TDRD12: variants seen among roughly 807,000 people sequenced by gnomAD.
The protein encoded by TDRD12 is tudor domain containing 12.
In TDRD12, 158 loss-of-function variants were observed where a neutral mutation model predicts 133.5. That is an observed-to-expected ratio of 1.18 (90% confidence interval 1.04 to 1.35). The LOEUF (loss-of-function observed/expected upper bound fraction) is 1.35. TDRD12 is among the 40% of genes most tolerant of loss of function. TDRD12 has a pLI of 0.00. For synonymous variants in TDRD12, 460 were observed against 477.9 expected, an observed-to-expected ratio of 0.96 and a Z score of 0.49; for missense variants, 1,443 against 1,321.3, an observed-to-expected ratio of 1.09 and a Z score of -1.43.
At chr19:32,824,801 C>T (rs1967531445), downstream of TDRD12, among the ~76,000 whole-genome samples, 1 of 151,650 alleles carries the variant, frequency 6.6e-6, no homozygotes, top group South Asian at 2.1e-4. Context: ...GTTTAGGAAG[C>T]CCCTTTGGAA....
chr19:32,733,150 C>T (rs984846862), intron 2 of TDRD12, among the ~76,000 whole-genome samples: 3 of 151,858 alleles, frequency 2.0e-5, no homozygotes, highest in East Asian at 1.9e-4. Flanking sequence ...CTAGCCTGGG[C>T]GAGACAGCGA....
chr19:32,820,668 CAG>C (rs1249811633), intron 27 of TDRD12, among the ~76,000 whole-genome samples: 2 of 152,244 alleles, frequency 1.3e-5, no homozygotes, highest in South Asian at 2.1e-4. Context: ...AAACTGGTAA[CAG>C]GGGTGGTCTT....
chr19:32,827,249 T>C, exon 10 of TDRD12: 1 of 1,231,616 alleles, frequency 8.1e-7, no homozygotes. Flanking sequence ...ACAGTGAGAG[T>C]GAAAGAGAAG....
intron 16 of TDRD12, 136 bp from the exon 17 acceptor site, chr19:32,800,031 G>A (rs1177568871): frequency 6.5e-6 from 4 of 618,944 alleles, no homozygotes; most frequent in South Asian, 2.2e-5. Context: ...ACCACACCTG[G>A]CCTTTTCCTT....
At chr19:32,750,861 A>G (rs989269361) in intron 6 of TDRD12, among the ~76,000 whole-genome samples, 1 of 152,258 alleles carries the variant, frequency 6.6e-6, no homozygotes, top group East Asian at 1.9e-4. Flanking sequence ...CAAGAAGCCC[A>G]CAGAAGTGAT....
At chr19:32,753,613 C>T (rs2145534684) in intron 6 of TDRD12, among the ~76,000 whole-genome samples, 1 of 152,088 alleles carries the variant, frequency 6.6e-6, no homozygotes, top group South Asian at 2.1e-4. Context: ...ACACCATTCT[C>T]CTGCCTCAGC....
At chr19:32,777,283 T>G in intron 11 of TDRD12, 54 bp downstream of exon 11, 3 of 1,105,614 alleles carry the variant, frequency 2.7e-6, no homozygotes, top group Non-Finnish European at 3.8e-6. Context: ...ATAATAAAAT[T>G]ATAAACAAGA....
At position 32,773,497 on chromosome 19, in the gene TDRD12, A is replaced by G; in HGVS notation, c.1005A>G (p.Ile335Met). ...TGTACTGGCCAGCAAAAAGAGGCAT[A>G]ACCATATATGCTGATCCAGATGTAC... The change falls in exon 10 of 28, where the codon ATA becomes ATG. Residue 335 changes from isoleucine (I) to methionine (M), a missense_variant. Ile to Met is a conservative substitution (Grantham distance 10). Coordinates refer to ENST00000444215, the Ensembl canonical transcript of TDRD12. 6.4e-7 allele frequency: 1 copy of G among 1,551,862 alleles called. No individual in the cohort carries two copies. The highest frequency in any genetic ancestry group is 8.7e-7 in the Non-Finnish European group (1 of 1,147,004).
exon 24 of TDRD12, chr19:32,811,294 G>A (rs989022735): frequency 2.9e-5 from 44 of 1,535,938 alleles, no homozygotes; most frequent in East Asian, 9.8e-5. Flanking sequence ...AAGGCAGGAC[G>A]GGGCTCGTCA....
intron 17 of TDRD12, 103 bp downstream of exon 17, chr19:32,800,461 T>C: frequency 9.7e-7 from 1 of 1,030,106 alleles, no homozygotes; most frequent in Non-Finnish European, 1.4e-6. Flanking sequence ...TGGCTTAGTA[T>C]TAAACAATTA....
At chr19:32,730,676 G>C (rs965480812) in intron 1 of TDRD12, among the ~76,000 whole-genome samples, 1 of 150,814 alleles carries the variant, frequency 6.6e-6, no homozygotes, top group African/African-American at 2.4e-5. Flanking sequence ...CCCAAATCTT[G>C]AGATGTCATT....
intron 8 of TDRD12, among the ~76,000 whole-genome samples, chr19:32,762,746 C>T (rs1327889680): frequency 2.6e-5 from 4 of 152,090 alleles, no homozygotes; most frequent in Non-Finnish European, 5.9e-5. Context: ...TTCACAGGAC[C>T]ATTGGGTTTA....
chr19:32,736,418 C>A (rs944253486), intron 2 of TDRD12, among the ~76,000 whole-genome samples: 27 of 152,112 alleles, frequency 1.8e-4, no homozygotes, highest in African/African-American at 5.8e-4. Context: ...AATTAGTGCT[C>A]ATTGACAGTG....
At chr19:32,740,495 TGTTCTCTGCATCTCCTGC>T (rs1969389544) in intron 3 of TDRD12, among the ~76,000 whole-genome samples, 1 of 150,972 alleles carries the variant, frequency 6.6e-6, no homozygotes, top group Non-Finnish European at 1.5e-5. Flanking sequence ...GCATCTCCTG[TGTTCTCTGCATCTCCTGC>T]GTTCTCTGCA....
chr19:32,795,091 T>A (rs1462836935), intron 14 of TDRD12, among the ~76,000 whole-genome samples: 1 of 151,950 alleles, frequency 6.6e-6, no homozygotes, highest in East Asian at 1.9e-4. Flanking sequence ...TCCCAGCACT[T>A]TGGGAGGCCG....
At chr19:32,722,984 C>A (rs1439512471) in intron 1 of TDRD12, among the ~76,000 whole-genome samples, 1 of 152,016 alleles carries the variant, frequency 6.6e-6, no homozygotes, top group Non-Finnish European at 1.5e-5. Context: ...CTGGCCCCCC[C>A]ATGTAACCTT....
intron 13 of TDRD12, among the ~76,000 whole-genome samples, chr19:32,791,936 C>A (rs879595172): frequency 1.7e-4 from 20 of 120,370 alleles, no homozygotes; most frequent in African/African-American, 7.0e-4. Context: ...TTGAAGAAAG[C>A]CTTCACCTTA....
downstream of TDRD12, chr19:32,824,243 G>C (rs574597728): frequency 6.6e-6 from 1 of 152,638 alleles, no homozygotes; most frequent in East Asian, 1.9e-4. Flanking sequence ...CATCCATTGT[G>C]CTGCCACACG....
At chr19:32,779,668 G>A (rs941064903) in intron 11 of TDRD12, among the ~76,000 whole-genome samples, 11 of 152,168 alleles carry the variant, frequency 7.2e-5, no homozygotes, top group East Asian at 3.9e-4. Context: ...GGCTGAGATC[G>A]TGTTTCTAAG....
Sources: allele counts gnomAD v4.1 joint callset (sites outside exome capture counted in the v4.1 genomes callset), GRCh38; gene constraint gnomAD v4.1.1; transcripts MANE v1.5; gene names NCBI Gene and HGNC (gene_info 2026-07-23, HGNC 2026-07-21).